The following TYW1B variants were observed in gnomAD, a reference collection of about 807,000 sequenced individuals.
TYW1B encodes S-adenosyl-L-methionine-dependent tRNA 4-demethylwyosine synthase TYW1B.
TYW1B carries 73 observed loss-of-function variants against 86.9 expected under a neutral mutation model. That is an observed-to-expected ratio of 0.84 (90% CI 0.70 to 1.02). TYW1B has a LOEUF of 1.02. TYW1B is among the 50% of genes least tolerant of loss of function. The pLI is 0.00. For synonymous variants in TYW1B, 248 were observed against 292.8 expected, an observed-to-expected ratio of 0.85 and a Z score of 1.56; for missense variants, 637 against 827.4, an observed-to-expected ratio of 0.77 and a Z score of 2.82.
chr7:72,743,792 C>T (rs1554462914), intron 8 of TYW1B, among the ~76,000 whole-genome samples: 1 of 148,732 alleles, frequency 6.7e-6, no homozygotes, highest in Non-Finnish European at 1.5e-5. Context: ...TGCAGTGAGC[C>T]GAGATGACGC....
In TYW1B at chr7:72,616,681, T is replaced by C. The variant is rs374083971; in HGVS notation, c.1776A>G (p.Ala592=). ...TTTGAGTTATTCTTACCTTTCTGTG[T>C]GCTATCAGGAGGCAATTAGAGTGTT... ...EHEHSNCLLI[A]HRKFKIGGEW... is the part of the protein sequence containing the mutation. Residue 592 remains alanine, a synonymous_variant, in exon 13 of 14, where the codon GCA becomes GCG. Transcript: ENST00000620995. 1 of 1,613,992 alleles carries C rather than the reference T, an allele frequency of 6.2e-7. No homozygotes were observed. Among genetic ancestry groups the C allele is most frequent in the African/African-American group, 1.3e-5 (1 of 74,936 alleles).
rs1554435884 is a variant in TYW1B, at chr7:72,611,351, C to T, written c.1785+5321G>A. On this transcript the variant is annotated intron_variant, in intron 13 of 13. Transcript: ENST00000620995. ...TGACTGTGTCCCCACCCAAATCTCA[C>T]CTTGAATGGCAGTTCCCATAATTCC... Among the ~76,000 whole-genome samples the T allele has an allele frequency of 5.9e-5, 9 of 152,122 alleles. 1 individual carries two copies.
chr7:72,706,583 CTCAG>C (rs1554453699), intron 10 of TYW1B, among the ~76,000 whole-genome samples: 1 of 152,160 alleles, frequency 6.6e-6, no homozygotes, highest in Non-Finnish European at 1.5e-5. Flanking sequence ...TATGTGGCCT[CTCAG>C]TCTACCTTTA....
intron 7 of TYW1B, among the ~76,000 whole-genome samples, chr7:72,765,223 T>C (rs1320587131): frequency 2.6e-5 from 4 of 152,190 alleles, no homozygotes; most frequent in Non-Finnish European, 4.4e-5. Context: ...TCTGCCCTGG[T>C]TTGGCTTCCT....
intron 7 of TYW1B, among the ~76,000 whole-genome samples, chr7:72,773,109 C>A (rs1234820013): frequency 1.3e-5 from 2 of 152,144 alleles, no homozygotes; most frequent in Non-Finnish European, 2.9e-5. Context: ...TAGAAATCAT[C>A]CTCTATTAAC....
chr7:72,809,651 T>C (rs1188442601), intron 4 of TYW1B, among the ~76,000 whole-genome samples: 1 of 144,822 alleles, frequency 6.9e-6, no homozygotes, highest in Non-Finnish European at 1.5e-5. Context: ...GACCCTGTTC[T>C]GAAAAAAATA....
chr7:72,589,312 G>A (rs1457634241), intron 13 of TYW1B, among the ~76,000 whole-genome samples: 1 of 152,176 alleles, frequency 6.6e-6, no homozygotes, highest in Non-Finnish European at 1.5e-5. Flanking sequence ...CATTTTCTTC[G>A]TGGTGATGAA....
At chr7:72,720,810 A>G (rs1442728659) in intron 9 of TYW1B, among the ~76,000 whole-genome samples, 2 of 152,158 alleles carry the variant, frequency 1.3e-5, no homozygotes, top group Non-Finnish European at 2.9e-5. Context: ...CAGGTTTGTT[A>G]CATATGTAAA....
chr7:72,794,308 C>T (rs1320910800), intron 6 of TYW1B, among the ~76,000 whole-genome samples: 2 of 152,122 alleles, frequency 1.3e-5, no homozygotes, highest in African/African-American at 4.8e-5. Flanking sequence ...GGAATCCCAA[C>T]ACTTTGGGAG....
At chr7:72,769,096 A>G in intron 7 of TYW1B, 1 of 382,476 alleles carries the variant, frequency 2.6e-6, no homozygotes, top group South Asian at 3.9e-5. Context: ...TGGGATGGGC[A>G]TGCAGCAGTT....
intron 9 of TYW1B, among the ~76,000 whole-genome samples, chr7:72,727,745 TGAAG>T (rs1407499563): frequency 1.5e-5 from 2 of 133,166 alleles, no homozygotes; most frequent in African/African-American, 5.8e-5. Context: ...GCCTGGGAAG[TGAAG>T]GTTGCAGTGA....
chr7:72,627,994 C>T (rs1299814511), intron 12 of TYW1B, among the ~76,000 whole-genome samples: 5 of 152,158 alleles, frequency 3.3e-5, no homozygotes, highest in South Asian at 2.1e-4. Context: ...ATAACTGTTT[C>T]GAAAGAATAC....
At chr7:72,624,670 C>T (rs1238137526) in intron 12 of TYW1B, among the ~76,000 whole-genome samples, 1 of 152,208 alleles carries the variant, frequency 6.6e-6, no homozygotes, top group East Asian at 1.9e-4. Flanking sequence ...ACATTTCTCC[C>T]TGGGGTCTTT....
chr7:72,634,081 T>A (rs530372446), intron 11 of TYW1B, among the ~76,000 whole-genome samples: 2 of 152,264 alleles, frequency 1.3e-5, no homozygotes, highest in Admixed American at 1.3e-4. Flanking sequence ...ATGAACACAC[T>A]ACTAGCGAAC....
intron 11 of TYW1B, among the ~76,000 whole-genome samples, chr7:72,652,913 G>A (rs1203786679): frequency 1.2e-4 from 18 of 152,114 alleles, no homozygotes; most frequent in Admixed American, 2.0e-4. Context: ...TAAATGATCC[G>A]AAATATGTGC....
chr7:72,825,639 C>A (rs1224790936), intron 2 of TYW1B, among the ~76,000 whole-genome samples: 2 of 152,152 alleles, frequency 1.3e-5, no homozygotes, highest in Non-Finnish European at 2.9e-5. Flanking sequence ...GATCGTGCCA[C>A]TGCACTCCAG....
chr7:72,744,995 G>A (rs1787370268), intron 7 of TYW1B, among the ~76,000 whole-genome samples: 1 of 152,166 alleles, frequency 6.6e-6, no homozygotes, highest in Non-Finnish European at 1.5e-5. Context: ...AAGAAGGATG[G>A]GTAAGGGAAT....
chr7:72,668,103 A>C (rs1325622858), intron 11 of TYW1B, among the ~76,000 whole-genome samples: 3 of 152,232 alleles, frequency 2.0e-5, no homozygotes, highest in Admixed American at 6.5e-5. Flanking sequence ...CTACTGAATT[A>C]ATGATCCACT....
intron 11 of TYW1B, among the ~76,000 whole-genome samples, chr7:72,651,607 T>C (rs1367046000): frequency 5.9e-5 from 9 of 152,134 alleles, no homozygotes. Flanking sequence ...AGAGTGAGAC[T>C]CCAACTCAAA....
Sources: gnomAD v4.1 joint callset for allele counts (sites outside exome capture counted in the v4.1 genomes callset) on GRCh38, gnomAD v4.1.1 for gene constraint, MANE v1.5 for transcripts, NCBI Gene and HGNC (gene_info 2026-07-23, HGNC 2026-07-21) for gene names.